Variants in RPTOR observed in about 807,000 individuals in gnomAD.
RPTOR encodes the protein regulatory-associated protein of mTOR.
In RPTOR, 21 loss-of-function variants were observed where a neutral mutation model predicts 169.9. That is an observed-to-expected ratio of 0.12 (90% confidence interval 0.09 to 0.18). The LOEUF (loss-of-function observed/expected upper bound fraction) is 0.18. RPTOR is among the 10% of genes least tolerant of loss of function. The probability of loss-of-function intolerance (pLI) is 1.00; values close to 1 mark genes in which losing one functional copy is unlikely to be tolerated. For synonymous variants in RPTOR, 732 were observed against 753.2 expected, an observed-to-expected ratio of 0.97 and a Z score of 0.46; for missense variants, 1,133 against 1,855.9, an observed-to-expected ratio of 0.61 and a Z score of 7.16.
At chr17:80,846,619 A>G (rs959681857) in intron 11 of RPTOR, 45 bp downstream of exon 11, 1 of 1,554,000 alleles carries the variant, frequency 6.4e-7, no homozygotes, top group Non-Finnish European at 8.9e-7. Flanking sequence ...TTCCTCAGGA[A>G]GGAAGCCAGA....
intron 6 of RPTOR, among the ~76,000 whole-genome samples, chr17:80,790,762 T>G (rs1205038594): frequency 6.6e-6 from 1 of 152,226 alleles, no homozygotes; most frequent in East Asian, 1.9e-4. Context: ...TATTTGTTCT[T>G]AATTTTAAAA....
rs554200261 is a variant in RPTOR at position 80,746,453 on chromosome 17, G to A, written c.655-7557G>A. On this transcript the variant is annotated intron_variant, in intron 5 of 33. Coordinates refer to ENST00000306801, the MANE Select transcript of RPTOR (RefSeq NM_020761.3). This position sits in a 1 kb window ranked among gnomAD's most constrained non-coding sequence, Gnocchi z 4.5. ...TGCACTGACTCCACATTACCCACAC[G>A]TGGGAACAATGCAGCAGATGTCTTT... is the stretch of plus-strand genomic sequence containing the variant. Among the ~76,000 whole-genome samples, 19 of 152,366 alleles carry A rather than the reference G, an allele frequency of 1.2e-4. No homozygotes were observed. Among genetic ancestry groups the A allele is most frequent in the African/African-American group, 3.6e-4 (15 of 41,600 alleles).
At chr17:80,832,427 C>G (rs915981103) in intron 9 of RPTOR, among the ~76,000 whole-genome samples, 2 of 152,194 alleles carry the variant, frequency 1.3e-5, no homozygotes, top group African/African-American at 4.8e-5. Context: ...CATCGCCCCC[C>G]TGTCCTGTGG....
At chr17:80,811,316 G>A (rs571248625) in intron 7 of RPTOR, among the ~76,000 whole-genome samples, 151 of 152,294 alleles carry the variant, frequency 9.9e-4, no homozygotes, top group African/African-American at 3.6e-3. Flanking sequence ...ATTCGTCAGC[G>A]GCTTCCTCTG....
At position 80,902,168 on chromosome 17, in the gene RPTOR, C is replaced by G. The variant is rs936232688; in HGVS notation, c.2402-6643C>G. 4.6e-5 allele frequency among the ~76,000 whole-genome samples: 7 copies of G among 152,334 alleles called. No homozygotes were observed. The South Asian group carries it at 1.0e-3, about 23-fold the overall frequency. On this transcript the variant is annotated intron_variant, in intron 20 of 33. Transcript: ENST00000306801. ...CCCCCATCCCACCAGGCCTCGTTGC[C>G]CTGGGTCTTGCTCTCTGCAGACCAC... is the stretch of plus-strand genomic sequence containing the variant.
chr17:80,587,572 A>G (rs1018805826), intron 1 of RPTOR, among the ~76,000 whole-genome samples: 1 of 151,600 alleles, frequency 6.6e-6, no homozygotes, highest in African/African-American at 2.4e-5. Context: ...GCTGCACCAC[A>G]CTCCGGCCCA....
At chr17:80,909,328 G>A (rs2068584173) in intron 21 of RPTOR, among the ~76,000 whole-genome samples, 1 of 151,888 alleles carries the variant, frequency 6.6e-6, no homozygotes, top group Non-Finnish European at 1.5e-5. Flanking sequence ...GGATCCTCCT[G>A]CCTCAGCCTC....
At chr17:80,859,375 G>A (rs1170658826) in intron 13 of RPTOR, among the ~76,000 whole-genome samples, 5 of 152,258 alleles carry the variant, frequency 3.3e-5, no homozygotes. Flanking sequence ...GGTGTGTGCT[G>A]AGAATGGAGT....
chr17:80,935,079 A>G (rs1448118184), intron 24 of RPTOR, among the ~76,000 whole-genome samples: 1 of 152,164 alleles, frequency 6.6e-6, no homozygotes, highest in African/African-American at 2.4e-5. Context: ...GAGCAATTGG[A>G]CATTGAAATT....
At chr17:80,720,273 GACA>G (rs1335444715) in intron 4 of RPTOR, among the ~76,000 whole-genome samples, 1 of 151,370 alleles carries the variant, frequency 6.6e-6, no homozygotes, top group Admixed American at 6.6e-5. Flanking sequence ...CTCCAGCCTG[GACA>G]ACAAGAGAGA....
chr17:80,570,191 A>G (rs960258056), intron 1 of RPTOR, among the ~76,000 whole-genome samples: 2 of 151,744 alleles, frequency 1.3e-5, no homozygotes, highest in Admixed American at 6.6e-5. Flanking sequence ...GGCACACCTC[A>G]TTTGTCTTCC....
intron 4 of RPTOR, among the ~76,000 whole-genome samples, chr17:80,724,596 C>T (rs990522004): frequency 1.3e-5 from 2 of 152,164 alleles, no homozygotes; most frequent in East Asian, 1.9e-4. Context: ...GCAACAGCGG[C>T]GAGGCCAGGT....
At position 80,960,443 on chromosome 17, in the gene RPTOR, G is replaced by A. The variant is rs561068689; in HGVS notation, c.3605+238G>A. Among the ~76,000 whole-genome samples, 4 of 152,256 alleles carry A rather than the reference G, an allele frequency of 2.6e-5. No homozygotes were observed. The highest frequency in any genetic ancestry group is 5.9e-5 in the Non-Finnish European group (4 of 68,036). ...AGAGGTCCACCCCACAGCCTATGGA[G>A]GAGCACAGGGGACAGGCCATGTGGG... On this transcript the variant is annotated intron_variant, in intron 30 of 33. Transcript: ENST00000306801. The surrounding 1 kb of genome is among the most constrained non-coding windows in gnomAD (Gnocchi z 4.8).
intron 7 of RPTOR, among the ~76,000 whole-genome samples, chr17:80,793,347 A>G (rs2067068953): frequency 6.6e-6 from 1 of 152,236 alleles, no homozygotes; most frequent in Non-Finnish European, 1.5e-5. Flanking sequence ...CTAATTTCTT[A>G]AATAAACCAT....
Position 80,823,867 on chromosome 17 carries a change from G to A in RPTOR, c.1136+644G>A, listed in dbSNP as rs151060972. 1.3e-4 allele frequency among the ~76,000 whole-genome samples: 20 copies of A among 152,292 alleles called. No homozygotes were observed. In the East Asian group the frequency reaches 3.5e-3, roughly 26 times the overall value. ...TGGCTGTCCTAACAAGCAGGTTTGG[G>A]CAAATTCTAAAATGGTATTAAAACA... On this transcript the variant is annotated intron_variant, in intron 9 of 33. Transcript: ENST00000306801. The surrounding 1 kb of genome is among the most constrained non-coding windows in gnomAD (Gnocchi z 4.5).
At chr17:80,567,174 T>C (rs2064852716) in intron 1 of RPTOR, among the ~76,000 whole-genome samples, 1 of 152,042 alleles carries the variant, frequency 6.6e-6, no homozygotes, top group South Asian at 2.1e-4. Flanking sequence ...TTTCATCACG[T>C]TGGCCAGGCT....
intron 1 of RPTOR, among the ~76,000 whole-genome samples, chr17:80,568,667 C>T (rs2064871096): frequency 6.6e-6 from 1 of 152,106 alleles, no homozygotes; most frequent in Non-Finnish European, 1.5e-5. Context: ...TATCTCTCCC[C>T]TTGTTCCTCC....
At chr17:80,602,795 C>T in intron 1 of RPTOR, 1 of 695,624 alleles carries the variant, frequency 1.4e-6, no homozygotes, top group South Asian at 1.5e-5. Flanking sequence ...CTCTGAGTGC[C>T]CAAGGGGCAC....
intron 7 of RPTOR, among the ~76,000 whole-genome samples, chr17:80,816,172 G>A (rs1598325940): frequency 6.6e-6 from 1 of 152,238 alleles, no homozygotes; most frequent in East Asian, 1.9e-4. Context: ...TGTATGTTTG[G>A]GGGCCCAGCT....
Sources: gnomAD v4.1 joint callset for allele counts (sites outside exome capture counted in the v4.1 genomes callset) on GRCh38, gnomAD v4.1.1 for gene constraint, Gnocchi (gnomAD v3.1) non-coding constraint, MANE v1.5 for transcripts, NCBI Gene and HGNC (gene_info 2026-07-23, HGNC 2026-07-21) for gene names.